The following HNF4A variants were observed in gnomAD, a reference collection of about 807,000 sequenced individuals.
HNF4A encodes hepatocyte nuclear factor 4 alpha, also known as hepatocyte nuclear factor 4-alpha.
In HNF4A, 15 loss-of-function variants were observed where a neutral mutation model predicts 52.4. The observed-to-expected ratio is 0.29, with a 90% CI of 0.19 to 0.44. The LOEUF (loss-of-function observed/expected upper bound fraction) is 0.44. Ranked by LOEUF, HNF4A falls within the 20% of genes least tolerant of loss-of-function variation. HNF4A has a pLI of 1.00. For missense variants in HNF4A, 479 were observed against 647.2 expected (o/e 0.74, Z 2.82); for synonymous variants, 280 against 264.4 (o/e 1.06, Z -0.57).
chr20:44,419,984 A>G, intron 7 of HNF4A, 108 bp downstream of exon 7: 1 of 1,190,210 alleles, frequency 8.4e-7, no homozygotes. Context: ...TCTCATGTTA[A>G]CGACAGCCAG....
At chr20:44,372,913 G>T (rs565863060) in intron 1 of HNF4A, 1 of 152,364 alleles carries the variant, frequency 6.6e-6, no homozygotes, top group East Asian at 1.9e-4. Flanking sequence ...TAGTGGCTGA[G>T]AATTTGTGCT....
At position 44,390,769 on chromosome 20, in the gene HNF4A, G is replaced by A. The variant is rs1323222732; in HGVS notation, c.50-15289G>A. 7 of 667,368 alleles carry A rather than the reference G, an allele frequency of 1.0e-5. No individual in the cohort carries two copies. The East Asian group carries it at 1.6e-4, about 15-fold the overall frequency. The allele number at this position is 667,368 out of a possible 1,614,324, so 41.3% of individuals were successfully genotyped here. A position where few individuals can be genotyped will look rare whatever the true frequency, so the allele number is the denominator to read the frequency against. On this transcript the variant is annotated intron_variant, in intron 1 of 9. Transcript: ENST00000316673. ...CAAGGGGGAGGATTCCAGACTGGGA[G>A]CAGTGTGGAGGATTTGTACCCTCAT...
Position 44,381,605 on chromosome 20 carries a change from A to C in HNF4A, c.50-24453A>C, listed in dbSNP as rs1401478362. On this transcript the variant is annotated intron_variant, in intron 1 of 9. Coordinates refer to the HNF4A transcript ENST00000316673. ...GCCAGTGGGCACTCTTTTCCAAAGG[A>C]AAGTACTTTGTTGCCTTTTTTTTGA... Among the ~76,000 whole-genome samples the C allele has an allele frequency of 3.3e-5, 5 of 151,762 alleles. No homozygotes were observed. The East Asian group carries it at 9.7e-4, about 29-fold the overall frequency.
intron 1 of HNF4A, among the ~76,000 whole-genome samples, chr20:44,396,109 G>T (rs1038115352): frequency 1.2e-4 from 19 of 152,132 alleles, no homozygotes; most frequent in African/African-American, 4.6e-4. Context: ...CAGGCAATGC[G>T]TAGAGGGGTG....
chr20:44,415,393 T>A (rs1470889602), intron 5 of HNF4A, among the ~76,000 whole-genome samples: 1 of 152,162 alleles, frequency 6.6e-6, no homozygotes, highest in Non-Finnish European at 1.5e-5. Context: ...CACCGTACAT[T>A]TTTTTGGAAT....
rs1326608308 is a variant in HNF4A, at chr20:44,383,566, TTA to T, written c.50-22491_50-22490del. Among the ~76,000 whole-genome samples, 493 of 150,748 alleles carry T rather than the reference TTA, an allele frequency of 3.3e-3. 1 individual carries two copies. Among genetic ancestry groups the T allele is most frequent in the African/African-American group, 0.012 (470 of 40,806 alleles). ...GGGGACCTCTTTTTTTTTTTTTTTT[TTA>T]AATACGGAGTCTCAACTCTCTCCCC... is the stretch of plus-strand genomic sequence containing the variant. On this transcript the variant is annotated intron_variant, in intron 1 of 9. Transcript: ENST00000316673.
At chr20:44,413,607 C>G in intron 3 of HNF4A, 87 bp from the exon 4 acceptor site, 1 of 914,954 alleles carries the variant, frequency 1.1e-6, no homozygotes, top group African/African-American at 1.6e-5. Flanking sequence ...CCCCCACCTC[C>G]TGCTCCCACT....
At position 44,428,323 on chromosome 20, in the gene HNF4A, C is replaced by A; in HGVS notation, c.1130-12C>A. On this transcript the variant is annotated splice_polypyrimidine_tract_variant and intron_variant, in intron 8 of 9. Transcript: ENST00000316099. The stretch of plus-strand genomic sequence containing the variant: ...CAGACTCTCCATCCTGATCGACCTT[C>A]TCTACCTGCAGGGTCCCCCAGCGAT... 6.2e-7 allele frequency: 1 copy of A among 1,613,878 alleles called. No individual in the cohort carries two copies. Among genetic ancestry groups the A allele is most frequent in the Non-Finnish European group, 8.5e-7 (1 of 1,179,960 alleles).
chr20:44,403,837 G>A (rs182270291), intron 1 of HNF4A, among the ~76,000 whole-genome samples: 1 of 152,338 alleles, frequency 6.6e-6, no homozygotes, highest in African/African-American at 2.4e-5. Flanking sequence ...TGACCTCAGA[G>A]GGGAGATGAT....
At chr20:44,418,581 A>T in intron 6 of HNF4A, 69 bp downstream of exon 6, 2 of 1,194,174 alleles carry the variant, frequency 1.7e-6, no homozygotes, top group Non-Finnish European at 2.5e-6. Flanking sequence ...CACCCAGGCA[A>T]GGAGATTCAC....
intron 1 of HNF4A, chr20:44,392,039 T>C (rs1291366966): frequency 1.3e-5 from 2 of 152,160 alleles, no homozygotes; most frequent in Non-Finnish European, 2.9e-5. Flanking sequence ...GCAGTCAAGA[T>C]TTAGGCCCAG....
chr20:44,408,559 T>C (rs1308331574), intron 3 of HNF4A, among the ~76,000 whole-genome samples: 1 of 152,076 alleles, frequency 6.6e-6, no homozygotes, highest in Non-Finnish European at 1.5e-5. Context: ...ACCCCGTCTC[T>C]ACTAAAAATA....
upstream of HNF4A, among the ~76,000 whole-genome samples, chr20:44,400,423 C>G (rs954325237): frequency 8.5e-5 from 13 of 152,094 alleles, no homozygotes; most frequent in Admixed American, 3.9e-4. Context: ...CTCAAACCAC[C>G]CTTTGAAGTT....
intron 1 of HNF4A, among the ~76,000 whole-genome samples, chr20:44,359,132 G>A (rs2062891068): frequency 1.3e-5 from 2 of 152,160 alleles, no homozygotes. Context: ...CATGGTGACT[G>A]GCACAGAAGA....
chr20:44,428,235 G>A (rs1200581451), intron 8 of HNF4A, 100 bp from the exon 9 acceptor site: 26 of 1,221,288 alleles, frequency 2.1e-5, no homozygotes, highest in Non-Finnish European at 2.9e-5. Flanking sequence ...GCCAATATTG[G>A]ATGGGCTGGT....
At chr20:44,411,431 C>T (rs1308398783) in intron 3 of HNF4A, among the ~76,000 whole-genome samples, 2 of 152,214 alleles carry the variant, frequency 1.3e-5, no homozygotes, top group African/African-American at 2.4e-5. Flanking sequence ...GGAGCCCTAT[C>T]CGCAGCTGCT....
rs774500766 is a variant in HNF4A at position 44,428,421 on chromosome 20, A to G, written c.1216A>G (p.Asn406Asp). The change falls in exon 9 of 10, where the codon AAC (asparagine) becomes GAC (aspartate). Residue 406 changes from asparagine (N) to aspartate (D), a missense_variant. This residue lies in a region of HNF4A where 389 missense variants were observed against 525.1 expected (regional missense o/e 0.74). Transcript: ENST00000316099. The stretch of plus-strand genomic sequence containing the variant: ...TATGGGAACCAACGTCATCGTTGCC[A>G]ACACAATGCCCACTCACCTCAGCAA... 1.9e-6 allele frequency: 3 copies of G among 1,614,138 alleles called. No homozygotes were observed. The highest frequency in any genetic ancestry group is 2.5e-6 in the Non-Finnish European group (3 of 1,180,008).
At chr20:44,406,653 CA>C (rs1176323216) in intron 2 of HNF4A, among the ~76,000 whole-genome samples, 1 of 152,190 alleles carries the variant, frequency 6.6e-6, no homozygotes, top group Non-Finnish European at 1.5e-5. Context: ...CCACCAACCC[CA>C]AAGTCTTCCC....
At chr20:44,419,688 C>A (rs1600733727) in intron 6 of HNF4A, 33 bp from the exon 7 acceptor site, 1 of 1,610,062 alleles carries the variant, frequency 6.2e-7, no homozygotes, top group South Asian at 1.1e-5. Context: ...CCCAAGGTGA[C>A]TTCCCATCCT....
Sources: gnomAD v4.1 joint callset for allele counts (sites outside exome capture counted in the v4.1 genomes callset) on GRCh38, gnomAD v4.1.1 for gene constraint, gnomAD v4.1.1 regional missense constraint, MANE v1.5 for transcripts, NCBI Gene and HGNC (gene_info 2026-07-23, HGNC 2026-07-21) for gene names.